PAG1: variants seen among roughly 807,000 people sequenced by gnomAD.
The protein encoded by PAG1 is phosphoprotein associated with glycosphingolipid-enriched microdomains 1.
A neutral mutation model predicts 31.7 loss-of-function variants in PAG1; 23 were observed. The observed-to-expected ratio is 0.73, with a 90% confidence interval of 0.52 to 1.03. The LOEUF (loss-of-function observed/expected upper bound fraction) is 1.03, where lower values mean the gene tolerates loss of function less well. Ranked by LOEUF, PAG1 falls within the 50% of genes least tolerant of loss-of-function variation. The probability of loss-of-function intolerance (pLI) is 0.00; values close to 1 mark genes in which losing one functional copy is unlikely to be tolerated. For missense variants in PAG1, 473 were observed against 540.7 expected, an observed-to-expected ratio of 0.87 and a Z score of 1.24; for synonymous variants, 214 against 210.3, an observed-to-expected ratio of 1.02 and a Z score of -0.15.
At chr8:81,019,416 A>C (rs1440996605) in intron 3 of PAG1, among the ~76,000 whole-genome samples, 2 of 152,192 alleles carry the variant, frequency 1.3e-5, no homozygotes, top group African/African-American at 4.8e-5. Context: ...CTAGAAGGAA[A>C]AATGGTTTAG....
intron 3 of PAG1, among the ~76,000 whole-genome samples, chr8:81,007,498 G>A (rs1284972982): frequency 6.7e-6 from 1 of 150,276 alleles, no homozygotes; most frequent in African/African-American, 2.4e-5. Context: ...GTAGACGGGT[G>A]TGGTGGCGGG....
intron 2 of PAG1, among the ~76,000 whole-genome samples, chr8:81,065,825 G>GTA (rs891842897): frequency 6.6e-6 from 1 of 150,380 alleles, no homozygotes; most frequent in Non-Finnish European, 1.5e-5. Flanking sequence ...GTGTATGTGT[G>GTA]TATATATATG....
At chr8:81,095,483 G>A (rs1014321546) in intron 1 of PAG1, among the ~76,000 whole-genome samples, 8 of 152,120 alleles carry the variant, frequency 5.3e-5, no homozygotes, top group Admixed American at 6.5e-5. Context: ...TCTGTCCAGG[G>A]TGGTCTCAAT....
intron 2 of PAG1, among the ~76,000 whole-genome samples, chr8:81,057,608 C>T (rs1251165649): frequency 6.6e-6 from 1 of 151,806 alleles, no homozygotes; most frequent in Non-Finnish European, 1.5e-5. Context: ...GGAGATATAC[C>T]TAATGCAAAT....
At chr8:80,981,862 C>CTTTTTTTTT (rs57438015) in intron 7 of PAG1, among the ~76,000 whole-genome samples, 7 of 103,426 alleles carry the variant, frequency 6.8e-5, no homozygotes, top group African/African-American at 3.0e-4. Flanking sequence ...ATCTCACTTC[C>CTTTTTTTTT]TTTTTTTTTT....
At chr8:81,065,095 G>A (rs1363121802) in intron 2 of PAG1, among the ~76,000 whole-genome samples, 1 of 152,160 alleles carries the variant, frequency 6.6e-6, no homozygotes, top group African/African-American at 2.4e-5. Context: ...CTCTTGGGGG[G>A]AGGCGCTCAA....
At chr8:81,111,408 G>C (rs1316181272) in intron 1 of PAG1, among the ~76,000 whole-genome samples, 183 bp downstream of exon 1, 1 of 152,168 alleles carries the variant, frequency 6.6e-6, no homozygotes, top group Non-Finnish European at 1.5e-5. Context: ...GAGATGCTGA[G>C]GTCAGCCAGC....
At chr8:81,038,639 T>TA (rs1372850465) in intron 2 of PAG1, among the ~76,000 whole-genome samples, 1 of 152,102 alleles carries the variant, frequency 6.6e-6, no homozygotes, top group East Asian at 1.9e-4. Flanking sequence ...ACTCTATATA[T>TA]GTAATGAGTA....
chr8:80,988,487 G>T (rs1269567469), intron 5 of PAG1, among the ~76,000 whole-genome samples: 5 of 152,022 alleles, frequency 3.3e-5, no homozygotes, highest in African/African-American at 1.2e-4. Context: ...TTAAGATGAG[G>T]TCTCACCTTG....
chr8:81,048,067 T>G (rs527582275), intron 2 of PAG1, among the ~76,000 whole-genome samples: 47 of 152,298 alleles, frequency 3.1e-4, no homozygotes, highest in African/African-American at 9.1e-4. Flanking sequence ...TGTAACCTGA[T>G]TCACCAGCCT....
At chr8:81,097,710 T>TA (rs35355222) in intron 1 of PAG1, among the ~76,000 whole-genome samples, 5,835 of 145,356 alleles carry the variant, frequency 0.04, 289 homozygotes, top group African/African-American at 0.12. Flanking sequence ...TTAAGAACTT[T>TA]AAAAAAAAAA....
chr8:81,073,005 T>C (rs529862781), intron 1 of PAG1, among the ~76,000 whole-genome samples: 62 of 152,346 alleles, frequency 4.1e-4, no homozygotes, highest in South Asian at 1.4e-3. Context: ...GAAGTATTGC[T>C]AGATATGCCT....
intron 3 of PAG1, among the ~76,000 whole-genome samples, chr8:81,029,639 T>C (rs1808345429): frequency 6.6e-6 from 1 of 152,248 alleles, no homozygotes; most frequent in African/African-American, 2.4e-5. Context: ...ACTCATTTTT[T>C]TCCTCATAAA....
At chr8:81,057,713 A>G (rs1440276256) in intron 2 of PAG1, among the ~76,000 whole-genome samples, 1 of 152,226 alleles carries the variant, frequency 6.6e-6, no homozygotes, top group African/African-American at 2.4e-5. Flanking sequence ...CTTAAAGTAT[A>G]ATAAAAAAAA....
At chr8:81,104,002 G>GA (rs1809651531) in intron 1 of PAG1, among the ~76,000 whole-genome samples, 2 of 152,088 alleles carry the variant, frequency 1.3e-5, no homozygotes, top group Non-Finnish European at 2.9e-5. Flanking sequence ...TTGAGATCCA[G>GA]AAAAAAATAA....
chr8:81,060,382 C>T (rs997483856), intron 2 of PAG1, among the ~76,000 whole-genome samples: 2 of 152,156 alleles, frequency 1.3e-5, no homozygotes, highest in African/African-American at 4.8e-5. Flanking sequence ...AGAGCAGCCA[C>T]GGATGTTTTT....
chr8:81,002,212 CT>C (rs577927226), intron 3 of PAG1, among the ~76,000 whole-genome samples: 200 of 145,312 alleles, frequency 1.4e-3, no homozygotes, highest in Middle Eastern at 3.6e-3. Flanking sequence ...ATTCAGCCAC[CT>C]TTTTTTTTTT....
intron 2 of PAG1, among the ~76,000 whole-genome samples, chr8:81,053,789 G>GGCA (rs1159371854): frequency 2.6e-5 from 4 of 152,164 alleles, no homozygotes; most frequent in Non-Finnish European, 4.4e-5. Context: ...TAATTTTAAG[G>GGCA]TAGATATGGG....
chr8:80,985,923 T>C (rs1246286912), intron 6 of PAG1, among the ~76,000 whole-genome samples: 1 of 151,182 alleles, frequency 6.6e-6, no homozygotes, highest in Admixed American at 6.6e-5. Context: ...CTTGCTTCCA[T>C]CTCATCCCGC....
Sources: allele counts gnomAD v4.1 joint callset (sites outside exome capture counted in the v4.1 genomes callset), GRCh38; gene constraint gnomAD v4.1.1; transcripts MANE v1.5; gene names NCBI Gene and HGNC (gene_info 2026-07-23, HGNC 2026-07-21).